The following RIOK3 variants were observed in gnomAD, a reference collection of about 807,000 sequenced individuals.
RIOK3 encodes RIO kinase 3, also known as serine/threonine-protein kinase RIO3.
Under a neutral mutation model 63.5 loss-of-function variants are expected in RIOK3, and 40 were observed. That is an observed-to-expected ratio of 0.63 (90% confidence interval 0.49 to 0.82). RIOK3 has a LOEUF of 0.82. Ranked by LOEUF, RIOK3 falls within the 40% of genes least tolerant of loss-of-function variation. RIOK3 has a pLI of 0.00. For missense variants in RIOK3, 557 were observed against 637.0 expected, an observed-to-expected ratio of 0.87 and a Z score of 1.35; for synonymous variants, 193 against 205.0, an observed-to-expected ratio of 0.94 and a Z score of 0.50.
Position 23,464,505 on chromosome 18 carries a change from T to C in RIOK3, c.434-14T>C. On this transcript the variant is annotated splice_polypyrimidine_tract_variant and intron_variant, in intron 4 of 12. Coordinates refer to ENST00000339486, the MANE Select transcript of RIOK3 (RefSeq NM_003831.5). ...GCTATTTTTATATACCTGGCTTATT[T>C]CAATTGCCTTTAGCAAAACCGGTTC... 1 of 1,547,428 alleles carries C rather than the reference T, an allele frequency of 6.5e-7. No individual in the cohort carries two copies. Among genetic ancestry groups the C allele is most frequent in the Non-Finnish European group, 8.8e-7 (1 of 1,136,088 alleles).
chr18:23,457,401 A>C (rs1471925275), intron 1 of RIOK3, among the ~76,000 whole-genome samples: 1 of 152,206 alleles, frequency 6.6e-6, no homozygotes, highest in Non-Finnish European at 1.5e-5. Flanking sequence ...AGAGGAGCTT[A>C]AGGAGACGTG....
In RIOK3 at chr18:23,453,528, C is replaced by G. The variant is rs764678492; in HGVS notation, c.63+26C>G. 5 of 1,578,150 alleles carry G rather than the reference C, an allele frequency of 3.2e-6. No homozygotes were observed. In the African/African-American group the frequency reaches 6.7e-5, roughly 21 times the overall value. On this transcript the variant is annotated intron_variant, in intron 1 of 12. Coordinates refer to ENST00000339486, the MANE Select transcript of RIOK3 (RefSeq NM_003831.5). ...GTAAGTGGCAGACGAGACTGGAGTA[C>G]TAGCCTTGGTCACACGGGCTGGATC...
intron 1 of RIOK3, among the ~76,000 whole-genome samples, chr18:23,460,260 T>A (rs966687533): frequency 6.6e-5 from 10 of 152,246 alleles, no homozygotes; most frequent in South Asian, 4.1e-4. Context: ...GCTAGTTTTT[T>A]AATTTTTTTG....
At chr18:23,459,109 G>A (rs1208965549) in intron 1 of RIOK3, among the ~76,000 whole-genome samples, 4 of 152,164 alleles carry the variant, frequency 2.6e-5, no homozygotes, top group Non-Finnish European at 5.9e-5. Context: ...GTATCTGTGA[G>A]TAGATCAATC....
chr18:23,472,155 C>G (rs1035847492), intron 7 of RIOK3, among the ~76,000 whole-genome samples: 2 of 151,984 alleles, frequency 1.3e-5, no homozygotes, highest in African/African-American at 2.4e-5. Flanking sequence ...ATAGCTTGAA[C>G]CCGGGAGGTG....
intron 7 of RIOK3, among the ~76,000 whole-genome samples, chr18:23,471,114 C>T (rs144720703): frequency 5.9e-5 from 9 of 152,332 alleles, no homozygotes; most frequent in African/African-American, 1.9e-4. Context: ...ATGCTTCCCC[C>T]ATCCTCAACC....
chr18:23,456,928 G>C (rs931198176), intron 1 of RIOK3, among the ~76,000 whole-genome samples: 1 of 152,014 alleles, frequency 6.6e-6, no homozygotes, highest in Non-Finnish European at 1.5e-5. Flanking sequence ...AACAAACTGG[G>C]TTAAATATCT....
At chr18:23,475,462 C>CAAAACAAAA (rs2057483632) in intron 9 of RIOK3, among the ~76,000 whole-genome samples, 1 of 99,324 alleles carries the variant, frequency 1.0e-5, no homozygotes, top group African/African-American at 4.2e-5. Context: ...GACTCTGTCT[C>CAAAACAAAA]AAAAAAAAAA....
At chr18:23,463,702 C>T (rs1274426861) in intron 2 of RIOK3, among the ~76,000 whole-genome samples, 1 of 152,212 alleles carries the variant, frequency 6.6e-6, no homozygotes, top group Non-Finnish European at 1.5e-5. Flanking sequence ...AGCCACTGCA[C>T]CTGGCCTCAT....
intron 11 of RIOK3, among the ~76,000 whole-genome samples, chr18:23,478,629 ATATATATATATATAT>A: frequency 1.6e-4 from 1 of 6,082 alleles, no homozygotes; most frequent in South Asian, 0.011. Context: ...ATATATATAT[ATATATATATATATAT>A]ATATATATAT....
chr18:23,480,594 G>C (rs1415668874), intron 12 of RIOK3, among the ~76,000 whole-genome samples: 1 of 49,776 alleles, frequency 2.0e-5, no homozygotes, highest in Non-Finnish European at 4.4e-5. Flanking sequence ...CACACACATA[G>C]TAATTTCAAC....
Position 23,478,162 on chromosome 18 carries a change from G to C in RIOK3, c.1344+894G>C, listed in dbSNP as rs556278451. Among the ~76,000 whole-genome samples, 8 of 152,128 alleles carry C rather than the reference G, an allele frequency of 5.3e-5. No homozygotes were observed. In the South Asian group the frequency reaches 1.7e-3, roughly 32 times the overall value. On this transcript the variant is annotated intron_variant, in intron 11 of 12. Coordinates refer to ENST00000339486, the MANE Select transcript of RIOK3 (RefSeq NM_003831.5). Reference sequence around the variant, plus strand: ...CGAGTAGACATTTAATGTGTGCATAGTGCTTAAACAGAAGCTGGTGTGCCT... The same window carrying C: ...CGAGTAGACATTTAATGTGTGCATACTGCTTAAACAGAAGCTGGTGTGCCT...
chr18:23,458,360 G>A (rs140422476), intron 1 of RIOK3, among the ~76,000 whole-genome samples: 11 of 152,270 alleles, frequency 7.2e-5, no homozygotes, highest in South Asian at 2.1e-4. Flanking sequence ...GGGAGAATGC[G>A]GTAGTAGTGA....
At chr18:23,480,862 G>A (rs1403851248) in intron 12 of RIOK3, among the ~76,000 whole-genome samples, 1 of 152,164 alleles carries the variant, frequency 6.6e-6, no homozygotes, top group African/African-American at 2.4e-5. Context: ...CAAGGCGGGT[G>A]GAACACCTGA....
At chr18:23,472,185 A>T (rs1170877942) in intron 7 of RIOK3, among the ~76,000 whole-genome samples, 1 of 151,826 alleles carries the variant, frequency 6.6e-6, no homozygotes, top group East Asian at 1.9e-4. Context: ...GTGAGCCAGG[A>T]TTGCACCACT....
intron 1 of RIOK3, among the ~76,000 whole-genome samples, chr18:23,459,096 A>G (rs1292427525): frequency 6.6e-6 from 1 of 152,222 alleles, no homozygotes; most frequent in African/African-American, 2.4e-5. Context: ...TTTCTGATTC[A>G]GTGTATCTGT....
Position 23,477,265 on chromosome 18 carries a change from G to A in RIOK3, c.1341G>A (p.Ser447=), listed in dbSNP as rs762402323. ...TGTTCCGGGACTGCAGGAATGTCTC[G>A]CAGGTAGACGTGTAAACCAATATGC... ...EFLFRDCRNV[S]QFFQKGGVKE... The change falls in exon 11 of 13, where the codon TCG becomes TCA. Residue 447 remains serine, a synonymous_variant. Coordinates refer to ENST00000339486, the MANE Select transcript of RIOK3 (RefSeq NM_003831.5). 3.7e-6 allele frequency: 6 copies of A among 1,613,304 alleles called. No homozygotes were observed. Among genetic ancestry groups the A allele is most frequent in the East Asian group, 2.2e-5 (1 of 44,892 alleles).
intron 5 of RIOK3, among the ~76,000 whole-genome samples, 194 bp downstream of exon 5, chr18:23,464,822 A>G (rs1041164934): frequency 3.9e-5 from 6 of 152,252 alleles, no homozygotes; most frequent in African/African-American, 1.2e-4. Context: ...ATAAAATTCC[A>G]TAACAGTGTT....
intron 1 of RIOK3, among the ~76,000 whole-genome samples, chr18:23,457,591 A>G (rs2057349089): frequency 6.6e-6 from 1 of 152,226 alleles, no homozygotes; most frequent in African/African-American, 2.4e-5. Flanking sequence ...AGGATAAACT[A>G]CCGAGTGTAG....
Sources: gnomAD v4.1 joint callset for allele counts (sites outside exome capture counted in the v4.1 genomes callset) on GRCh38, gnomAD v4.1.1 for gene constraint, MANE v1.5 for transcripts, NCBI Gene and HGNC (gene_info 2026-07-23, HGNC 2026-07-21) for gene names.